LRRN2: variants seen among roughly 807,000 people sequenced by gnomAD.
LRRN2 encodes the protein leucine rich repeat neuronal 2.
A neutral mutation model predicts 35.7 loss-of-function variants in LRRN2; 10 were observed. The ratio of observed to expected loss-of-function variants is 0.28; its 90% confidence interval spans 0.17 to 0.47. The LOEUF is 0.47. Among genes scored for constraint, LRRN2 ranks in the 20% least tolerant of loss-of-function variants. The pLI, the probability that LRRN2 is intolerant of heterozygous loss-of-function variation, is 0.99. For missense variants in LRRN2, 731 were observed against 940.3 expected (o/e 0.78, Z 2.91); for synonymous variants, 391 against 409.6 (o/e 0.95, Z 0.55).
At chr1:204,629,754 A>G (rs1346378045) in intron 1 of LRRN2, 1 of 158,732 alleles carries the variant, frequency 6.3e-6, no homozygotes, top group African/African-American at 2.4e-5. Context: ...ACAGACTAAT[A>G]CATGCACCAT....
At chr1:204,661,727 T>G (rs892659767) in intron 1 of LRRN2, among the ~76,000 whole-genome samples, 13 of 152,238 alleles carry the variant, frequency 8.5e-5, no homozygotes, top group African/African-American at 3.1e-4. Context: ...CCGGATGCCC[T>G]TGGCAGGGAG....
intron 1 of LRRN2, among the ~76,000 whole-genome samples, chr1:204,672,366 G>A (rs536247889): frequency 2.6e-5 from 4 of 152,298 alleles, no homozygotes; most frequent in African/African-American, 9.6e-5. Flanking sequence ...GGCTAAGATA[G>A]GGCTCCCCAA....
intron 1 of LRRN2, among the ~76,000 whole-genome samples, chr1:204,679,259 G>GC (rs1222906958): frequency 6.6e-6 from 1 of 152,168 alleles, no homozygotes; most frequent in African/African-American, 2.4e-5. Context: ...CTCCTACACA[G>GC]CTTTTAAATG....
intron 1 of LRRN2, among the ~76,000 whole-genome samples, chr1:204,634,128 C>T (rs1667774464): frequency 6.6e-6 from 1 of 152,200 alleles, no homozygotes; most frequent in African/African-American, 2.4e-5. Flanking sequence ...AAGAGCAAGC[C>T]TTAATGATTT....
Position 204,655,287 on chromosome 1 carries a change from G to A in LRRN2, c.-227+30033C>T, listed in dbSNP as rs190078106. ...CAAATTTATGCTCTACATTTGGTGG[G>A]TTTTGTTTTTGTTTTCTTGAGACAG... On this transcript the variant is annotated intron_variant, in intron 1 of 1. Coordinates refer to ENST00000367177, the MANE Select transcript of LRRN2 (RefSeq NM_201630.2). Among the ~76,000 whole-genome samples the A allele has an allele frequency of 3.2e-3, 481 of 151,394 alleles. 6 individuals are homozygous for A. The highest frequency in any genetic ancestry group is 0.011 in the African/African-American group (461 of 40,760).
chr1:204,663,248 C>T (rs1668507619), intron 1 of LRRN2, among the ~76,000 whole-genome samples: 2 of 152,140 alleles, frequency 1.3e-5, no homozygotes, highest in Non-Finnish European at 2.9e-5. Context: ...AGCTCATGGA[C>T]CTGGAGCATA....
intron 1 of LRRN2, among the ~76,000 whole-genome samples, chr1:204,626,530 T>C (rs1414858952): frequency 6.6e-6 from 1 of 151,948 alleles, no homozygotes; most frequent in African/African-American, 2.4e-5. Flanking sequence ...AAATGCCACC[T>C]CCCCTGTGAC....
At position 204,675,252 on chromosome 1, in the gene LRRN2, C is replaced by T. The variant is rs74138516; in HGVS notation, c.-227+10068G>A. On this transcript the variant is annotated intron_variant, in intron 1 of 1. Transcript: ENST00000367177. ...GGAGGCCAACTGGGTTCTGGTCCAC[C>T]GCTTGGCTTTTGCCTTGTATTTAGT... is the stretch of plus-strand genomic sequence containing the variant. Among the ~76,000 whole-genome samples, 327 of 152,306 alleles carry T rather than the reference C, an allele frequency of 2.1e-3. 4 individuals carry two copies. Among genetic ancestry groups the T allele is most frequent in the African/African-American group, 7.6e-3 (317 of 41,568 alleles).
At chr1:204,666,985 A>G (rs1408743945) in intron 1 of LRRN2, among the ~76,000 whole-genome samples, 1 of 150,838 alleles carries the variant, frequency 6.6e-6, no homozygotes, top group Non-Finnish European at 1.5e-5. Flanking sequence ...AAAAAAAAAA[A>G]AGCCAACAGC....
chr1:204,654,330 G>A (rs1298197943), intron 1 of LRRN2, among the ~76,000 whole-genome samples: 1 of 152,196 alleles, frequency 6.6e-6, no homozygotes, highest in Non-Finnish European at 1.5e-5. Flanking sequence ...AGATTTATGG[G>A]TTTGAATACT....
chr1:204,676,565 T>A (rs1349424486), intron 1 of LRRN2, among the ~76,000 whole-genome samples: 1 of 152,100 alleles, frequency 6.6e-6, no homozygotes, highest in Non-Finnish European at 1.5e-5. Context: ...CTCAATAACT[T>A]CTATGAGCAA....
intron 1 of LRRN2, chr1:204,620,545 G>T (rs574905808): frequency 2.9e-4 from 51 of 174,498 alleles, no homozygotes; most frequent in Non-Finnish European, 4.8e-4. Flanking sequence ...AAAATGCTGG[G>T]ATTACAGGTG....
chr1:204,667,387 A>C (rs1034049773), intron 1 of LRRN2, among the ~76,000 whole-genome samples: 1 of 152,216 alleles, frequency 6.6e-6, no homozygotes, highest in East Asian at 1.9e-4. Flanking sequence ...AAGGTTAAAA[A>C]ACAACAATTT....
At chr1:204,678,660 C>A (rs540191705) in intron 1 of LRRN2, among the ~76,000 whole-genome samples, 2 of 152,184 alleles carry the variant, frequency 1.3e-5, no homozygotes, top group South Asian at 4.2e-4. Flanking sequence ...CCAGGCACAG[C>A]CCTGCATCCC....
chr1:204,671,708 A>C (rs1305357300), intron 1 of LRRN2, among the ~76,000 whole-genome samples: 1 of 149,244 alleles, frequency 6.7e-6, no homozygotes, highest in Non-Finnish European at 1.5e-5. Context: ...CAAAGAGATT[A>C]AAGAGTGGGG....
rs748322184 is a variant in LRRN2 at position 204,619,597 on chromosome 1, C to T, written c.396G>A (p.Leu132=). The stretch of plus-strand genomic sequence containing the variant: ...CCAGCCCTGCAAAGCTGTGGTCCTC[C>T]AGCCGGGTCAGCTGGTTCTCCTCTA... ...LHLEENQLTR[L]EDHSFAGLAS... The change falls in exon 2 of 2, where the codon CTG becomes CTA. Residue 132 remains leucine, a synonymous_variant. Coordinates refer to ENST00000367177, the MANE Select transcript of LRRN2 (RefSeq NM_201630.2). 9.3e-6 allele frequency: 15 copies of T among 1,614,174 alleles called. No individual in the cohort carries two copies. The highest frequency in any genetic ancestry group is 1.2e-5 in the Non-Finnish European group (14 of 1,180,030).
chr1:204,622,537 AAC>A lies in LRRN2; in HGVS notation c.-226-2321_-226-2320del, dbSNP rs1430279242. Among the ~76,000 whole-genome samples, 11 of 152,156 alleles carry A rather than the reference AAC, an allele frequency of 7.2e-5. No homozygotes were observed. The East Asian group carries it at 7.7e-4, about 11-fold the overall frequency. Reference sequence around the variant, plus strand: ...CGACACGTAAAACTCAGTGTGAACAAACACATGTGTACACATGCATGCATGCC... The same window carrying A: ...CGACACGTAAAACTCAGTGTGAACAAACATGTGTACACATGCATGCATGCC... On this transcript the variant is annotated intron_variant, in intron 1 of 1. Coordinates refer to ENST00000367177, the MANE Select transcript of LRRN2 (RefSeq NM_201630.2).
At chr1:204,649,678 C>T (rs966632256) in intron 1 of LRRN2, among the ~76,000 whole-genome samples, 2 of 152,174 alleles carry the variant, frequency 1.3e-5, no homozygotes, top group Non-Finnish European at 2.9e-5. Flanking sequence ...CCAGATCCTT[C>T]TCCTCTCCAG....
At chr1:204,685,106 C>A (rs1053499891) in intron 1 of LRRN2, among the ~76,000 whole-genome samples, 2 of 152,160 alleles carry the variant, frequency 1.3e-5, no homozygotes, top group African/African-American at 4.8e-5. Flanking sequence ...CCGGCTCCCC[C>A]GCAGGCGTCT....
Sources: gnomAD v4.1 joint callset for allele counts (sites outside exome capture counted in the v4.1 genomes callset) on GRCh38, gnomAD v4.1.1 for gene constraint, MANE v1.5 for transcripts, NCBI Gene and HGNC (gene_info 2026-07-23, HGNC 2026-07-21) for gene names.